Variants in GALNTL6 observed in about 807,000 individuals in gnomAD.
GALNTL6 encodes polypeptide N-acetylgalactosaminyltransferase-like 6.
Under a neutral mutation model 73.7 loss-of-function variants are expected in GALNTL6, and 46 were observed. The ratio of observed to expected loss-of-function variants is 0.62; its 90% CI spans 0.49 to 0.80. The LOEUF is 0.80. Among genes scored for constraint, GALNTL6 ranks in the 30% least tolerant of loss-of-function variants. The pLI, the probability that GALNTL6 is intolerant of heterozygous loss-of-function variation, is 0.00. For synonymous variants in GALNTL6, 259 were observed against 263.7 expected (o/e 0.98, Z 0.17); for missense variants, 604 against 755.0 (o/e 0.80, Z 2.34).
intron 7 of GALNTL6, among the ~76,000 whole-genome samples, chr4:172,855,865 C>T (rs1391819145): frequency 1.3e-5 from 2 of 152,138 alleles, no homozygotes; most frequent in Non-Finnish European, 2.9e-5. Flanking sequence ...TTTAGAGAGG[C>T]CTGGATGTCG....
chr4:172,359,633 C>T (rs767529059), intron 5 of GALNTL6, among the ~76,000 whole-genome samples: 1 of 152,130 alleles, frequency 6.6e-6, no homozygotes, highest in Non-Finnish European at 1.5e-5. Flanking sequence ...AGCTTAGATT[C>T]CCTTAAAACT....
At chr4:172,938,913 G>A (rs1353617879) in intron 9 of GALNTL6, among the ~76,000 whole-genome samples, 4 of 152,140 alleles carry the variant, frequency 2.6e-5, no homozygotes, top group Non-Finnish European at 4.4e-5. Flanking sequence ...AACCTAAAGG[G>A]CAATAAGGCT....
chr4:172,399,258 C>T (rs761464284), intron 5 of GALNTL6, among the ~76,000 whole-genome samples: 12 of 151,858 alleles, frequency 7.9e-5, no homozygotes, highest in Admixed American at 1.3e-4. Flanking sequence ...ACCACAAATA[C>T]GTATTATAAA....
intron 2 of GALNTL6, among the ~76,000 whole-genome samples, chr4:171,951,002 T>G (rs896264458): frequency 1.3e-5 from 2 of 151,856 alleles, no homozygotes; most frequent in African/African-American, 4.8e-5. Context: ...ATGGAAAGTA[T>G]AAAATTAAGT....
chr4:172,736,367 C>T (rs1346440492), intron 5 of GALNTL6, among the ~76,000 whole-genome samples: 9 of 152,180 alleles, frequency 5.9e-5, no homozygotes, highest in East Asian at 5.8e-4. Context: ...TTCCCCTATT[C>T]GCTTTTGCGA....
chr4:172,618,100 T>G (rs903906094), intron 5 of GALNTL6, among the ~76,000 whole-genome samples: 6 of 152,214 alleles, frequency 3.9e-5, no homozygotes, highest in African/African-American at 1.4e-4. Flanking sequence ...ATGTATTCTC[T>G]CAGTGAGTTA....
intron 3 of GALNTL6, among the ~76,000 whole-genome samples, chr4:172,298,577 G>A (rs966656441): frequency 3.3e-5 from 5 of 152,158 alleles, no homozygotes. Context: ...TTAGCATGAA[G>A]GGCTGTTGAA....
chr4:172,424,071 G>A (rs1036240323), intron 5 of GALNTL6, among the ~76,000 whole-genome samples: 6 of 151,474 alleles, frequency 4.0e-5, no homozygotes, highest in South Asian at 2.1e-4. Context: ...CTTGATTGTG[G>A]TGATAGTATC....
At chr4:172,752,299 G>A (rs1737471631) in intron 5 of GALNTL6, among the ~76,000 whole-genome samples, 1 of 152,004 alleles carries the variant, frequency 6.6e-6, no homozygotes, top group African/African-American at 2.4e-5. Flanking sequence ...TATTATAAAT[G>A]TAATATAACA....
At chr4:172,075,940 T>C (rs942865355) in intron 2 of GALNTL6, among the ~76,000 whole-genome samples, 1 of 152,224 alleles carries the variant, frequency 6.6e-6, no homozygotes, top group South Asian at 2.1e-4. Flanking sequence ...GTTTACATTG[T>C]AGTGTATTGC....
chr4:172,532,472 A>G (rs943457583), intron 5 of GALNTL6, among the ~76,000 whole-genome samples: 3 of 152,224 alleles, frequency 2.0e-5, no homozygotes, highest in Admixed American at 6.5e-5. Context: ...TTGTGAGACA[A>G]TCATAAGTCT....
intron 2 of GALNTL6, among the ~76,000 whole-genome samples, chr4:172,047,955 A>G (rs1742266381): frequency 6.6e-6 from 1 of 152,160 alleles, no homozygotes; most frequent in African/African-American, 2.4e-5. Context: ...TATATTTTCT[A>G]GTATTGCTCT....
At chr4:172,859,923 G>GA (rs1744312442) in intron 7 of GALNTL6, among the ~76,000 whole-genome samples, 1 of 152,128 alleles carries the variant, frequency 6.6e-6, no homozygotes, top group Non-Finnish European at 1.5e-5. Flanking sequence ...TCTAGTTGCA[G>GA]AAAAAATAAG....
chr4:172,016,176 C>G (rs1741188471), intron 2 of GALNTL6, among the ~76,000 whole-genome samples: 2 of 151,814 alleles, frequency 1.3e-5, no homozygotes, highest in Admixed American at 1.3e-4. Context: ...ATTTAGCTTT[C>G]TCTTCTTCCT....
chr4:172,645,739 A>G (rs1186271685), intron 5 of GALNTL6, among the ~76,000 whole-genome samples: 2 of 151,960 alleles, frequency 1.3e-5, no homozygotes, highest in East Asian at 1.9e-4. Flanking sequence ...GTAAATGTAT[A>G]TTTTTTATGC....
At chr4:172,848,988 C>G (rs1723686326) in intron 7 of GALNTL6, among the ~76,000 whole-genome samples, 2 of 152,118 alleles carry the variant, frequency 1.3e-5, no homozygotes, top group Non-Finnish European at 2.9e-5. Flanking sequence ...TGAAAGTCTG[C>G]TTCAGAAGCC....
intron 5 of GALNTL6, among the ~76,000 whole-genome samples, chr4:172,700,941 A>G (rs1279264746): frequency 6.6e-6 from 1 of 152,124 alleles, no homozygotes; most frequent in Admixed American, 6.6e-5. Context: ...TTTATTTCCC[A>G]TAAGAAGGAA....
chr4:172,702,244 T>C (rs576027070), intron 5 of GALNTL6, among the ~76,000 whole-genome samples: 3 of 152,152 alleles, frequency 2.0e-5, no homozygotes, highest in South Asian at 4.1e-4. Flanking sequence ...ACAAAATCTA[T>C]TGGAACTTTC....
intron 8 of GALNTL6, among the ~76,000 whole-genome samples, chr4:172,916,089 A>T (rs1747491455): frequency 6.6e-6 from 1 of 152,242 alleles, no homozygotes; most frequent in Non-Finnish European, 1.5e-5. Context: ...AGGCTGGTTC[A>T]ACATATGCAA....
Sources: gnomAD v4.1 joint callset for allele counts (sites outside exome capture counted in the v4.1 genomes callset) on GRCh38, gnomAD v4.1.1 for gene constraint, MANE v1.5 for transcripts, NCBI Gene and HGNC (gene_info 2026-07-23, HGNC 2026-07-21) for gene names.